Variants in GNG4 observed in about 807,000 individuals in gnomAD.
GNG4 encodes the protein G protein subunit gamma 4.
GNG4 carries 4 observed loss-of-function variants against 5.8 expected under a neutral mutation model. The observed-to-expected ratio is 0.69, with a 90% CI of 0.34 to 1.57. The LOEUF is 1.57. Among genes scored for constraint, GNG4 ranks in the 40% most tolerant of loss-of-function variants. The pLI, the probability that GNG4 is intolerant of heterozygous loss-of-function variation, is 0.06. For synonymous variants in GNG4, 29 were observed against 32.9 expected, an observed-to-expected ratio of 0.88 and a Z score of 0.41; for missense variants, 96 against 95.1, an observed-to-expected ratio of 1.01 and a Z score of -0.04.
chr1:235,625,593 A>T (rs1322672492), intron 1 of GNG4, among the ~76,000 whole-genome samples: 1 of 152,240 alleles, frequency 6.6e-6, no homozygotes, highest in Non-Finnish European at 1.5e-5. Context: ...CCACATTCAG[A>T]GCAGGAGGTG....
At chr1:235,557,601 T>C (rs180799136) in intron 3 of GNG4, among the ~76,000 whole-genome samples, 223 of 152,220 alleles carry the variant, frequency 1.5e-3, no homozygotes, top group Admixed American at 4.3e-3. Context: ...GATAGCTCTC[T>C]TCCCATTGAT....
At position 235,548,739 on chromosome 1, in the gene GNG4, T is replaced by C. The variant is rs1297372754; in HGVS notation, c.*3370A>G. The C allele has an allele frequency of 6.6e-6, 1 of 152,304 alleles. No individual in the cohort carries two copies. The highest frequency in any genetic ancestry group is 1.5e-5 in the Non-Finnish European group (1 of 68,116). 9.4% of individuals were successfully genotyped at this position (152,304 alleles called of 1,614,324 possible). A position where few individuals can be genotyped will look rare whatever the true frequency, so the allele number is the denominator to read the frequency against. ...TGCTGTAGGAAGGGAGGGGAGATGC[T>C]GGACAGTTAAGCTGAAAACACAAAA... On this transcript the variant is annotated 3_prime_UTR_variant, in exon 4 of 4. Transcript: ENST00000391854.
At chr1:235,624,119 T>C (rs76323365) in intron 1 of GNG4, among the ~76,000 whole-genome samples, 1 of 150,774 alleles carries the variant, frequency 6.6e-6, no homozygotes, top group Non-Finnish European at 1.5e-5. Context: ...TTTTTTTTTT[T>C]TGAGACGGAG....
At chr1:235,647,111 G>C (rs1171866763) in intron 1 of GNG4, among the ~76,000 whole-genome samples, 1 of 151,978 alleles carries the variant, frequency 6.6e-6, no homozygotes, top group African/African-American at 2.4e-5. Flanking sequence ...ACTGTTGATA[G>C]GTTATTTATG....
intron 2 of GNG4, among the ~76,000 whole-genome samples, chr1:235,592,738 A>G (rs1202970430): frequency 6.6e-6 from 1 of 152,120 alleles, no homozygotes; most frequent in Non-Finnish European, 1.5e-5. Context: ...CGATTTTACA[A>G]TCTTACCTGT....
chr1:235,638,445 C>T (rs1303140111), intron 1 of GNG4, among the ~76,000 whole-genome samples: 3 of 150,010 alleles, frequency 2.0e-5, no homozygotes, highest in Non-Finnish European at 4.4e-5. Context: ...CCAGTGTCTA[C>T]AGCCATCTGC....
chr1:235,611,904 A>C (rs1481394071), intron 1 of GNG4, among the ~76,000 whole-genome samples: 1 of 152,040 alleles, frequency 6.6e-6, no homozygotes, highest in Non-Finnish European at 1.5e-5. Flanking sequence ...CTCTACAAAA[A>C]ATAAATAAAA....
intron 3 of GNG4, among the ~76,000 whole-genome samples, chr1:235,581,154 G>A (rs1303944811): frequency 6.6e-6 from 1 of 152,140 alleles, no homozygotes; most frequent in Non-Finnish European, 1.5e-5. Context: ...TGTTGAAGGT[G>A]GGGCCTGGTG....
At chr1:235,573,908 G>A (rs1050873153) in intron 3 of GNG4, among the ~76,000 whole-genome samples, 6 of 152,144 alleles carry the variant, frequency 3.9e-5, no homozygotes, top group Non-Finnish European at 5.9e-5. Context: ...AATATTTCCT[G>A]ACCTTGTTAT....
chr1:235,615,194 T>TATC (rs1688563439), intron 1 of GNG4: 1 of 152,148 alleles, frequency 6.6e-6, no homozygotes, highest in South Asian at 2.1e-4. Context: ...TACCATGGAT[T>TATC]ATCACAAGGG....
At chr1:235,570,868 GTGTGTGTGTGTGTATATGTATGTATATA>G (rs1168708441) in intron 3 of GNG4, among the ~76,000 whole-genome samples, 109 of 148,786 alleles carry the variant, frequency 7.3e-4, no homozygotes, top group Non-Finnish European at 1.4e-3. Context: ...ATATATGTGT[GTGTGTGTGTGTGTATATGTATGTATATA>G]TGTGTGTGTG....
intron 1 of GNG4, among the ~76,000 whole-genome samples, chr1:235,638,664 C>T (rs550661865): frequency 6.6e-6 from 1 of 152,180 alleles, no homozygotes; most frequent in Admixed American, 6.5e-5. Flanking sequence ...TTGCCCCTCA[C>T]CCCCCAACAG....
intron 2 of GNG4, among the ~76,000 whole-genome samples, chr1:235,592,829 G>A (rs746043479): frequency 1.3e-5 from 2 of 152,146 alleles, no homozygotes; most frequent in African/African-American, 2.4e-5. Flanking sequence ...ATGAGCCGCC[G>A]GGTCCTCCTT....
In GNG4 at chr1:235,649,193, G is replaced by A. The variant is rs959431236; in HGVS notation, c.-123+469C>T. Among the ~76,000 whole-genome samples the A allele has an allele frequency of 2.0e-5, 3 of 152,200 alleles. No homozygotes were observed. Among genetic ancestry groups the A allele is most frequent in the Non-Finnish European group, 4.4e-5 (3 of 68,028 alleles). The stretch of plus-strand genomic sequence containing the variant: ...TCTGGGCTGCTGGGGAGCCAGGAGG[G>A]CTTCCTCAGGCACTCGCCAGAAACA... On this transcript the variant is annotated intron_variant, in intron 1 of 3. Transcript: ENST00000391854. The surrounding 1 kb of genome is among the most constrained non-coding windows in gnomAD (Gnocchi z 5.7).
At chr1:235,590,854 C>T (rs1238215704) in intron 2 of GNG4, among the ~76,000 whole-genome samples, 9 of 152,154 alleles carry the variant, frequency 5.9e-5, no homozygotes, top group Admixed American at 5.9e-4. Context: ...GTCCAAATTA[C>T]CTTGCATGGG....
chr1:235,597,156 A>G (rs1335901221), intron 1 of GNG4, among the ~76,000 whole-genome samples: 1 of 152,162 alleles, frequency 6.6e-6, no homozygotes, highest in Non-Finnish European at 1.5e-5. Flanking sequence ...CTCTGGGGTA[A>G]TGAGTTCATT....
At chr1:235,563,118 T>C in intron 3 of GNG4, among the ~76,000 whole-genome samples, 1 of 152,072 alleles carries the variant, frequency 6.6e-6, no homozygotes, top group East Asian at 1.9e-4. Flanking sequence ...TTATTTCTTG[T>C]ACTCCAGTAA....
chr1:235,619,261 G>GT (rs1405955996), intron 1 of GNG4, among the ~76,000 whole-genome samples: 1 of 149,002 alleles, frequency 6.7e-6, no homozygotes, highest in East Asian at 2.0e-4. Context: ...GCTGGGTGTG[G>GT]TGGTGTGGGC....
chr1:235,592,532 C>T (rs755586614), intron 2 of GNG4, among the ~76,000 whole-genome samples: 2 of 151,964 alleles, frequency 1.3e-5, no homozygotes, highest in Admixed American at 6.6e-5. Context: ...TAAATTTCTT[C>T]CTGAGGGTCC....
Sources: gnomAD v4.1 joint callset for allele counts (sites outside exome capture counted in the v4.1 genomes callset) on GRCh38, gnomAD v4.1.1 for gene constraint, Gnocchi (gnomAD v3.1) non-coding constraint, MANE v1.5 for transcripts, NCBI Gene and HGNC (gene_info 2026-07-23, HGNC 2026-07-21) for gene names.